CDC42BPA: variants seen among roughly 807,000 people sequenced by gnomAD.
CDC42BPA encodes serine/threonine-protein kinase MRCK alpha.
Under a neutral mutation model 223.5 loss-of-function variants are expected in CDC42BPA, and 80 were observed. The ratio of observed to expected loss-of-function variants is 0.36; its 90% CI spans 0.30 to 0.43. CDC42BPA has a LOEUF of 0.43. Among genes scored for constraint, CDC42BPA ranks in the 20% least tolerant of loss-of-function variants. The pLI is 1.00. For synonymous variants in CDC42BPA, 694 were observed against 718.6 expected, an observed-to-expected ratio of 0.97 and a Z score of 0.55; for missense variants, 1,743 against 2,099.9, an observed-to-expected ratio of 0.83 and a Z score of 3.32.
rs1445241089 is a variant in CDC42BPA at position 227,001,735 on chromosome 1, C to T, written c.4975+3259G>A. On this transcript the variant is annotated intron_variant, in intron 35 of 36. Transcript: ENST00000366766. ...CAGCCTGGCCAACATGGTGAAACCC[C>T]GTCTCTACTAAAAATACAGAAATTG... Among the ~76,000 whole-genome samples, 7 of 152,060 alleles carry T rather than the reference C, an allele frequency of 4.6e-5. 1 individual carries two copies. The highest frequency in any genetic ancestry group is 3.9e-4 in the Admixed American group (6 of 15,264).
chr1:227,312,653 G>C (rs1324994655), intron 1 of CDC42BPA, among the ~76,000 whole-genome samples: 2 of 152,108 alleles, frequency 1.3e-5, no homozygotes, highest in Non-Finnish European at 2.9e-5. Context: ...AGGAGTTCAA[G>C]ACCAGCCTAG....
At chr1:227,134,803 AC>A (rs1250980880) in intron 10 of CDC42BPA, among the ~76,000 whole-genome samples, 116 of 152,354 alleles carry the variant, frequency 7.6e-4, no homozygotes, top group African/African-American at 2.7e-3. Flanking sequence ...ATGTAAAAAT[AC>A]CAAGAACAAA....
intron 23 of CDC42BPA, among the ~76,000 whole-genome samples, chr1:227,047,650 T>G (rs1010974901): frequency 2.0e-5 from 3 of 152,170 alleles, no homozygotes; most frequent in Non-Finnish European, 4.4e-5. Context: ...ACAAGTGGCC[T>G]CAACTTAATG....
chr1:227,313,642 T>A (rs199800480), intron 1 of CDC42BPA, among the ~76,000 whole-genome samples: 2 of 143,788 alleles, frequency 1.4e-5, no homozygotes, highest in South Asian at 4.4e-4. Flanking sequence ...ACTGATTAAT[T>A]AATAAATTCT....
Position 227,037,132 on chromosome 1 carries a change from T to C in CDC42BPA, c.3200-1525A>G, listed in dbSNP as rs1305784684. On this transcript the variant is annotated intron_variant, in intron 24 of 36. Coordinates refer to ENST00000366766, the MANE Select transcript of CDC42BPA (RefSeq NM_001394014.1). ...AGCCAGGTAGCTGGCCAGGATTCTTTCTGATAAACAAATTTTAAAATGACA... is the reference window on the plus strand; with the variant it reads ...AGCCAGGTAGCTGGCCAGGATTCTTCCTGATAAACAAATTTTAAAATGACA... 1.3e-5 allele frequency among the ~76,000 whole-genome samples: 2 copies of C among 152,326 alleles called. 1 individual carries two copies. The highest frequency in any genetic ancestry group is 6.8e-3 in the Middle Eastern group (2 of 294).
At chr1:227,172,367 A>G (rs1172751044) in intron 5 of CDC42BPA, among the ~76,000 whole-genome samples, 1 of 152,342 alleles carries the variant, frequency 6.6e-6, no homozygotes, top group Non-Finnish European at 1.5e-5. Flanking sequence ...AATTCCAGGT[A>G]CTGCAAAATA....
At chr1:227,152,090 T>G (rs1267391895) in intron 6 of CDC42BPA, among the ~76,000 whole-genome samples, 1 of 152,094 alleles carries the variant, frequency 6.6e-6, no homozygotes, top group African/African-American at 2.4e-5. Context: ...TTGTTCTTTG[T>G]TGCTGACTTG....
chr1:227,173,705 T>C (rs1033968176), intron 5 of CDC42BPA, among the ~76,000 whole-genome samples: 31 of 152,106 alleles, frequency 2.0e-4, no homozygotes, highest in African/African-American at 7.5e-4. Flanking sequence ...AAGCTCCACA[T>C]GTGGTATTTT....
At chr1:227,133,244 C>A (rs1657696728) in intron 10 of CDC42BPA, among the ~76,000 whole-genome samples, 2 of 150,990 alleles carry the variant, frequency 1.3e-5, no homozygotes, top group South Asian at 4.2e-4. Flanking sequence ...GGCCAGCTGC[C>A]CCGTCTGGGA....
At position 227,101,151 on chromosome 1, in the gene CDC42BPA, C is replaced by T. The variant is rs1297668773; in HGVS notation, c.2090G>A (p.Ser697Asn). ...AGATAATTCTTCTTCATAAAAGATA[C>T]TTTTCTTTTCCAAATCAGTCTTTAG... The part of the protein sequence containing the change: ...TKLKTDLEKK[S>N]IFYEEELSKR... Residue 697 changes from serine (S) to asparagine (N), a missense_variant, in exon 15 of 37, where the codon AGT (serine) becomes AAT (asparagine). Transcript: ENST00000366766. 2.5e-6 allele frequency: 4 copies of T among 1,580,860 alleles called. No homozygotes were observed. The highest frequency in any genetic ancestry group is 8.7e-7 in the Non-Finnish European group (1 of 1,150,800).
At chr1:227,092,940 A>G (rs4653788) in intron 15 of CDC42BPA, among the ~76,000 whole-genome samples, 126,313 of 152,050 alleles carry the variant, frequency 0.83, 52,518 homozygotes, top group East Asian at 0.88. Context: ...AGGACACTCT[A>G]CCATAATCAC....
chr1:227,296,709 C>CA (rs755335862), intron 1 of CDC42BPA, among the ~76,000 whole-genome samples: 17,859 of 69,560 alleles, frequency 0.26, 2,416 homozygotes, highest in East Asian at 0.49. Context: ...CTCCCCACAT[C>CA]AAAAAAAAAA....
chr1:227,217,817 G>A (rs1286752734), intron 2 of CDC42BPA, among the ~76,000 whole-genome samples: 1 of 152,028 alleles, frequency 6.6e-6, no homozygotes. Context: ...CTAGCCCCAC[G>A]AAGCCACACA....
At chr1:227,136,878 C>T (rs959674055) in intron 10 of CDC42BPA, among the ~76,000 whole-genome samples, 2 of 152,064 alleles carry the variant, frequency 1.3e-5, no homozygotes, top group African/African-American at 4.8e-5. Flanking sequence ...AACACATTCA[C>T]ATTACAAGAA....
Position 227,089,211 on chromosome 1 carries a change from A to AAG in CDC42BPA, c.2355+2673_2355+2674dup, listed in dbSNP as rs1226630237. 9.2e-5 allele frequency among the ~76,000 whole-genome samples: 14 copies of AAG among 152,340 alleles called. 1 individual carries two copies. Among genetic ancestry groups the AAG allele is most frequent in the Middle Eastern group, 3.4e-3 (1 of 294 alleles). On this transcript the variant is annotated intron_variant, in intron 16 of 36. Coordinates refer to ENST00000366766, the MANE Select transcript of CDC42BPA (RefSeq NM_001394014.1). ...CTTCTAGATCTGTAATTCTGTCAAG[A>AAG]AGAGATCCAGTTCTCTTCAAGCTGG...
chr1:227,289,700 T>C lies in CDC42BPA; in HGVS notation c.178+27305A>G, dbSNP rs185146491. ...ATATCTGTTAAAATAAATGAATTAA[T>C]GTGTGTACTCCACAAACACTGTATC... On this transcript the variant is annotated intron_variant, in intron 1 of 36. Transcript: ENST00000366766. 3.3e-5 allele frequency among the ~76,000 whole-genome samples: 5 copies of C among 152,280 alleles called. No homozygotes were observed. The East Asian group carries it at 7.7e-4, about 23-fold the overall frequency.
chr1:226,995,537 C>A (rs545453792), intron 35 of CDC42BPA, among the ~76,000 whole-genome samples: 1 of 152,312 alleles, frequency 6.6e-6, no homozygotes, highest in Admixed American at 6.5e-5. Flanking sequence ...AGAAATATCG[C>A]TTATCTTCTA....
At chr1:227,029,402 A>T (rs1668834974) in intron 29 of CDC42BPA, 152 bp from the exon 30 acceptor site, 2 of 613,442 alleles carry the variant, frequency 3.3e-6, no homozygotes, top group South Asian at 4.4e-5. Context: ...CCAACCCATC[A>T]TAAGATAATT....
intron 1 of CDC42BPA, among the ~76,000 whole-genome samples, chr1:227,278,065 A>C (rs1379211085): frequency 6.6e-6 from 1 of 152,122 alleles, no homozygotes; most frequent in Non-Finnish European, 1.5e-5. Flanking sequence ...AGTAGTTTTT[A>C]ACTTAACTTC....
Sources: gnomAD v4.1 joint callset for allele counts (sites outside exome capture counted in the v4.1 genomes callset) on GRCh38, gnomAD v4.1.1 for gene constraint, MANE v1.5 for transcripts, NCBI Gene and HGNC (gene_info 2026-07-23, HGNC 2026-07-21) for gene names.